The following ITSN1 variants were observed in gnomAD, a reference collection of about 807,000 sequenced individuals.
ITSN1 encodes the protein intersectin-1.
ITSN1 carries 58 observed loss-of-function variants against 239.8 expected under a neutral mutation model. The ratio of observed to expected loss-of-function variants is 0.24; its 90% CI spans 0.20 to 0.30. The LOEUF (loss-of-function observed/expected upper bound fraction) is 0.30, where lower values mean the gene tolerates loss of function less well. Ranked by LOEUF, ITSN1 falls within the 10% of genes least tolerant of loss-of-function variation. The pLI, the probability that ITSN1 is intolerant of heterozygous loss-of-function variation, is 1.00. For synonymous variants in ITSN1, 780 were observed against 770.8 expected, an observed-to-expected ratio of 1.01 and a Z score of -0.20; for missense variants, 1,558 against 2,103.3, an observed-to-expected ratio of 0.74 and a Z score of 5.07.
rs1480529222 is a variant in ITSN1, at chr21:33,782,021, C to T, written c.1712C>T (p.Ala571Val). 5 of 1,612,142 alleles carry T rather than the reference C, an allele frequency of 3.1e-6. No individual in the cohort carries two copies. The highest frequency in any genetic ancestry group is 4.2e-6 in the Non-Finnish European group (5 of 1,179,572). Reference sequence around the variant, plus strand: ...GATTCACTTGTTACACTTAAAAGAGCCTTAGAAGCAAAAGAACTAGCTCGG... The same window carrying T: ...GATTCACTTGTTACACTTAAAAGAGTCTTAGAAGCAAAAGAACTAGCTCGG... Reference protein sequence around the residue: ...HRDSLVTLKRALEAKELARQH... With the variant: ...HRDSLVTLKRVLEAKELARQH... The change falls in exon 16 of 40, where the codon GCC becomes GTC. Residue 571 changes from alanine (A) to valine (V), a missense_variant. By Grantham distance (64) the Ala-to-Val change is moderately conservative (BLOSUM62 0). Transcript: ENST00000381318.
intron 20 of ITSN1, among the ~76,000 whole-genome samples, chr21:33,808,910 C>T (rs756831134): frequency 8.5e-5 from 13 of 152,186 alleles, no homozygotes; most frequent in African/African-American, 2.4e-5. Context: ...ACCAAGGTGG[C>T]TGATCTTGAC....
intron 14 of ITSN1, among the ~76,000 whole-genome samples, chr21:33,777,249 C>T (rs1200305878): frequency 6.6e-6 from 1 of 152,070 alleles, no homozygotes; most frequent in South Asian, 2.1e-4. Context: ...CATTGAGTTA[C>T]CTTGGTAGCT....
intron 3 of ITSN1, 58 bp downstream of exon 3, chr21:33,721,328 A>G (rs903250613): frequency 6.3e-6 from 7 of 1,107,622 alleles, no homozygotes; most frequent in Non-Finnish European, 9.7e-6. Context: ...TGTCTGTGGA[A>G]ACTCTATCAT....
In ITSN1 at chr21:33,718,102, C is replaced by T. The variant is rs560881081; in HGVS notation, c.-32-695C>T. Among the ~76,000 whole-genome samples, 3 of 152,300 alleles carry T rather than the reference C, an allele frequency of 2.0e-5. No individual in the cohort carries two copies. The East Asian group carries it at 5.8e-4, about 29-fold the overall frequency. On this transcript the variant is annotated intron_variant, in intron 1 of 39. Transcript: ENST00000381318. The stretch of plus-strand genomic sequence containing the variant: ...ATATCGTGCTAATCACGTACCCTTT[C>T]TGATTTTCATTTACCTGATCCATAA...
chr21:33,684,212 C>A (rs565166969), intron 1 of ITSN1, among the ~76,000 whole-genome samples: 30 of 152,278 alleles, frequency 2.0e-4, no homozygotes, highest in African/African-American at 7.2e-4. Context: ...ATCTGCCATG[C>A]ATCTGCTTTA....
rs113916177 is a variant in ITSN1, at chr21:33,775,661, T to A, written c.1596+553T>A. The stretch of plus-strand genomic sequence containing the variant: ...CTGAGGTCGTAGCAGGACTCTGAGA[T>A]GCCAGTTACAGCAAGGAGACTACTG... On this transcript the variant is annotated intron_variant, in intron 14 of 39. Coordinates refer to ENST00000381318, the MANE Select transcript of ITSN1 (RefSeq NM_003024.3). 7.5e-3 allele frequency among the ~76,000 whole-genome samples: 1,144 copies of A among 152,246 alleles called. 15 individuals are homozygous for A. Among genetic ancestry groups the A allele is most frequent in the African/African-American group, 0.026 (1,089 of 41,538 alleles).
chr21:33,723,552 T>A (rs1040038927), intron 4 of ITSN1, among the ~76,000 whole-genome samples: 1 of 151,940 alleles, frequency 6.6e-6, no homozygotes, highest in African/African-American at 2.4e-5. Context: ...AGGCAGAGCT[T>A]GCAGTGAGCC....
At position 33,679,863 on chromosome 21, in the gene ITSN1, A is replaced by C. The variant is rs2090835800; in HGVS notation, c.-33+37150A>C. 5.9e-5 allele frequency among the ~76,000 whole-genome samples: 9 copies of C among 151,956 alleles called. No individual in the cohort carries two copies. In the South Asian group the frequency reaches 1.9e-3, roughly 32 times the overall value. ...CAGGTGCCCGCCCCCACATCCAGCT[A>C]ATTTTTTTGTATTTTTAGTAGAGAC... On this transcript the variant is annotated intron_variant, in intron 1 of 39. Transcript: ENST00000381318.
intron 21 of ITSN1, 73 bp downstream of exon 21, chr21:33,811,295 T>C (rs2072898604): frequency 2.1e-6 from 3 of 1,403,528 alleles, no homozygotes; most frequent in Non-Finnish European, 2.9e-6. Flanking sequence ...CCCCCTTAAG[T>C]ATTTTCATAG....
chr21:33,785,389 T>A (rs1424205979), intron 16 of ITSN1, among the ~76,000 whole-genome samples: 1 of 152,204 alleles, frequency 6.6e-6, no homozygotes, highest in Non-Finnish European at 1.5e-5. Context: ...CAGCCCAGAT[T>A]CTGAGTTATA....
At position 33,693,583 on chromosome 21, in the gene ITSN1, C is replaced by T. The variant is rs553566247; in HGVS notation, c.-32-25214C>T. On this transcript the variant is annotated intron_variant, in intron 1 of 39. Transcript: ENST00000381318. ...TGTTGGTCAGGCTGGTCTTGAACTCCTGACCTCAGGTGATCTACCCTCCTC... is the reference window on the plus strand; with the variant it reads ...TGTTGGTCAGGCTGGTCTTGAACTCTTGACCTCAGGTGATCTACCCTCCTC... Among the ~76,000 whole-genome samples, 5 of 152,300 alleles carry T rather than the reference C, an allele frequency of 3.3e-5. No homozygotes were observed. In the East Asian group the frequency reaches 9.7e-4, roughly 29 times the overall value.
chr21:33,644,709 T>C (rs1165474772), intron 1 of ITSN1, among the ~76,000 whole-genome samples: 2 of 151,984 alleles, frequency 1.3e-5, no homozygotes. Context: ...AAAGCTTATC[T>C]TCAATATTGG....
chr21:33,658,179 A>G (rs1404755035), intron 1 of ITSN1, among the ~76,000 whole-genome samples: 2 of 152,170 alleles, frequency 1.3e-5, no homozygotes, highest in African/African-American at 4.8e-5. Flanking sequence ...GATAAAATAT[A>G]TTTACTATTC....
intron 33 of ITSN1, among the ~76,000 whole-genome samples, chr21:33,868,785 A>G (rs971865230): frequency 3.9e-5 from 6 of 152,230 alleles, no homozygotes; most frequent in African/African-American, 1.4e-4. Flanking sequence ...GGTGGGCTGA[A>G]GGGCTCCTCA....
chr21:33,839,319 C>T (rs572522434), intron 29 of ITSN1, among the ~76,000 whole-genome samples: 8 of 152,282 alleles, frequency 5.3e-5, no homozygotes, highest in African/African-American at 1.9e-4. Flanking sequence ...CACCACTGAG[C>T]AGACTGGCAG....
At chr21:33,733,959 C>G (rs2066343754) in intron 4 of ITSN1, among the ~76,000 whole-genome samples, 2 of 151,906 alleles carry the variant, frequency 1.3e-5, no homozygotes, top group Admixed American at 1.3e-4. Flanking sequence ...TGTTTTCTTT[C>G]TTTGAGTTAA....
At position 33,702,839 on chromosome 21, in the gene ITSN1, A is replaced by T. The variant is rs2146837055; in HGVS notation, c.-32-15958A>T. On this transcript the variant is annotated intron_variant, in intron 1 of 39. Coordinates refer to ENST00000381318, the MANE Select transcript of ITSN1 (RefSeq NM_003024.3). Reference sequence around the variant, plus strand: ...ACGCCTGTAATCCTAGCACTTTGGGAGGCTGAGGCGGGCAGATCACCTGAG... The same window carrying T: ...ACGCCTGTAATCCTAGCACTTTGGGTGGCTGAGGCGGGCAGATCACCTGAG... Among the ~76,000 whole-genome samples the T allele has an allele frequency of 2.6e-5, 4 of 152,252 alleles. No homozygotes were observed. The Middle Eastern group carries it at 0.014, about 518-fold the overall frequency.
At chr21:33,752,500 A>G (rs761560701) in intron 7 of ITSN1, among the ~76,000 whole-genome samples, 76 of 152,166 alleles carry the variant, frequency 5.0e-4, no homozygotes, top group South Asian at 1.7e-3. Context: ...CTTGGTTTCA[A>G]TTATTACCTT....
At chr21:33,858,825 G>T in intron 31 of ITSN1, 33 bp downstream of exon 31, 1 of 1,328,824 alleles carries the variant, frequency 7.5e-7, no homozygotes, top group Non-Finnish European at 1.1e-6. Flanking sequence ...AGCCTGGCTT[G>T]GCCTCCTCGG....
Sources: allele counts gnomAD v4.1 joint callset (sites outside exome capture counted in the v4.1 genomes callset), GRCh38; gene constraint gnomAD v4.1.1; transcripts MANE v1.5; gene names NCBI Gene and HGNC (gene_info 2026-07-23, HGNC 2026-07-21).